The following SPPL2A variants were observed in gnomAD, a reference collection of about 807,000 sequenced individuals.
The protein encoded by SPPL2A is signal peptide peptidase like 2A.
A neutral mutation model predicts 63.8 loss-of-function variants in SPPL2A; 51 were observed. The ratio of observed to expected loss-of-function variants is 0.80; its 90% CI spans 0.64 to 1.01. SPPL2A has a LOEUF of 1.01. Among genes scored for constraint, SPPL2A ranks in the 50% least tolerant of loss-of-function variants. The pLI is 0.00. For synonymous variants in SPPL2A, 188 were observed against 205.8 expected, an observed-to-expected ratio of 0.91 and a Z score of 0.74; for missense variants, 553 against 622.7, an observed-to-expected ratio of 0.89 and a Z score of 1.19.
In SPPL2A at chr15:50,707,880, C is replaced by A. The variant is rs759473205; in HGVS notation, c.1489-6G>T. ...CAATCCAAATGGTCCATCATCTAGG[C>A]ATAAATAAAAGACGTTAGGAAATGC... On this transcript the variant is annotated splice_polypyrimidine_tract_variant and splice_region_variant and intron_variant, in intron 14 of 14. Coordinates refer to ENST00000261854, the MANE Select transcript of SPPL2A (RefSeq NM_032802.4). The A allele has an allele frequency of 1.5e-5, 24 of 1,551,650 alleles. No individual in the cohort carries two copies. The South Asian group carries it at 2.3e-4, about 15-fold the overall frequency.
At chr15:50,765,114 A>C (rs2063046577) in intron 1 of SPPL2A, among the ~76,000 whole-genome samples, 1 of 152,148 alleles carries the variant, frequency 6.6e-6, no homozygotes, top group Non-Finnish European at 1.5e-5. Flanking sequence ...AGACAATAAA[A>C]CCCAGAGGTC....
intron 14 of SPPL2A, among the ~76,000 whole-genome samples, chr15:50,716,466 A>G (rs1388527577): frequency 1.3e-5 from 2 of 152,204 alleles, no homozygotes; most frequent in East Asian, 3.8e-4. Context: ...AACTGCTGGG[A>G]TTACAGGCGT....
intron 1 of SPPL2A, among the ~76,000 whole-genome samples, chr15:50,761,774 A>C (rs1204454829): frequency 6.6e-6 from 1 of 151,748 alleles, no homozygotes; most frequent in Non-Finnish European, 1.5e-5. Context: ...CGTTTCTTCT[A>C]AAATACAAAA....
At chr15:50,736,005 A>T (rs1375179395) in intron 8 of SPPL2A, 96 bp downstream of exon 8, 5 of 762,838 alleles carry the variant, frequency 6.6e-6, no homozygotes, top group Non-Finnish European at 1.1e-5. Flanking sequence ...TCTGGCATAG[A>T]AGCAAAAAAA....
At chr15:50,716,534 T>C (rs925964447) in intron 14 of SPPL2A, among the ~76,000 whole-genome samples, 1 of 152,156 alleles carries the variant, frequency 6.6e-6, no homozygotes, top group Non-Finnish European at 1.5e-5. Flanking sequence ...CTTTAAAAGC[T>C]GTATGAAAGG....
At chr15:50,747,423 G>T in intron 5 of SPPL2A, 72 bp downstream of exon 5, 1 of 1,307,082 alleles carries the variant, frequency 7.7e-7, no homozygotes, top group Non-Finnish European at 1.1e-6. Flanking sequence ...TTTAAATGTT[G>T]TTATATAATT....
chr15:50,717,798 A>C (rs1383882609), intron 14 of SPPL2A, among the ~76,000 whole-genome samples: 2 of 152,026 alleles, frequency 1.3e-5, no homozygotes, highest in Admixed American at 1.3e-4. Flanking sequence ...TCTGGACATA[A>C]ATTTAATATT....
At chr15:50,755,397 G>A (rs2062948650) in intron 1 of SPPL2A, among the ~76,000 whole-genome samples, 1 of 151,898 alleles carries the variant, frequency 6.6e-6, no homozygotes, top group African/African-American at 2.4e-5. Flanking sequence ...AGTGCTGGAG[G>A]GCCACTTGAG....
chr15:50,725,432 T>C (rs1410116358), intron 11 of SPPL2A, 109 bp from the exon 12 acceptor site: 2 of 676,628 alleles, frequency 3.0e-6, no homozygotes, highest in Middle Eastern at 4.3e-4. Context: ...ACTAATTTAT[T>C]TTTTGGAGAC....
chr15:50,743,709 A>G lies in SPPL2A; in HGVS notation c.584+3786T>C, dbSNP rs529453013. On this transcript the variant is annotated intron_variant, in intron 5 of 14. Coordinates refer to ENST00000261854, the MANE Select transcript of SPPL2A (RefSeq NM_032802.4). Reference sequence around the variant, plus strand: ...TGCACTTTACAGTTTGAGAAGCACTATTCTAGAGAAGAAAAAATTTACATG... The same window carrying G: ...TGCACTTTACAGTTTGAGAAGCACTGTTCTAGAGAAGAAAAAATTTACATG... Among the ~76,000 whole-genome samples, 61 of 152,316 alleles carry G rather than the reference A, an allele frequency of 4.0e-4. 1 individual carries two copies. Among genetic ancestry groups the G allele is most frequent in the African/African-American group, 1.4e-3 (58 of 41,578 alleles).
chr15:50,735,905 T>C lies in SPPL2A; in HGVS notation c.932+196A>G, dbSNP rs577229562. Among the ~76,000 whole-genome samples the C allele has an allele frequency of 2.2e-4, 34 of 152,284 alleles. No homozygotes were observed. The Middle Eastern group carries it at 0.01, about 46-fold the overall frequency. ...GTCTATTTCAGTGTATGTGTTAAAATCATAATTCATATTTCCTTCTCTATA... is the reference window on the plus strand; with the variant it reads ...GTCTATTTCAGTGTATGTGTTAAAACCATAATTCATATTTCCTTCTCTATA... On this transcript the variant is annotated intron_variant, in intron 8 of 14. Coordinates refer to ENST00000261854, the MANE Select transcript of SPPL2A (RefSeq NM_032802.4).
Position 50,729,139 on chromosome 15 carries a change from G to C in SPPL2A, c.1089+1826C>G, listed in dbSNP as rs562463419. On this transcript the variant is annotated intron_variant, in intron 10 of 14. Transcript: ENST00000261854. ...TCTTAATTATTGTATTTTTAGTAGA[G>C]ATACAGTTTTACCATGTTGGCCAGG... Among the ~76,000 whole-genome samples the C allele has an allele frequency of 3.9e-5, 6 of 152,080 alleles. No homozygotes were observed. In the East Asian group the frequency reaches 9.7e-4, roughly 24 times the overall value.
At position 50,725,287 on chromosome 15, in the gene SPPL2A, A is replaced by G. The variant is rs756048724; in HGVS notation, c.1183T>C (p.Phe395Leu). The change falls in exon 12 of 15, where the codon TTC becomes CTC. Residue 395 changes from phenylalanine (F) to leucine (L), a missense_variant. Phe to Leu is a conservative substitution (Grantham distance 22). Transcript: ENST00000261854. ...ATGAGGCACACACTCATTACTGAGA[A>G]ATAGATCAGTTTTGGTACTCTGATG... ...VVIRVPKLIY[F>L]SVMSVCLMPV... 8.1e-6 allele frequency: 13 copies of G among 1,608,148 alleles called. No individual in the cohort carries two copies. The highest frequency in any genetic ancestry group is 1.1e-5 in the Non-Finnish European group (13 of 1,175,876).
At chr15:50,749,320 C>A (rs28419662) in intron 2 of SPPL2A, among the ~76,000 whole-genome samples, 2 of 151,988 alleles carry the variant, frequency 1.3e-5, no homozygotes, top group African/African-American at 4.8e-5. Context: ...CGAAGTCTCA[C>A]CCTGTTGCCC....
intron 12 of SPPL2A, 35 bp downstream of exon 12, chr15:50,725,186 T>A: frequency 8.3e-7 from 1 of 1,199,792 alleles, no homozygotes; most frequent in Non-Finnish European, 1.2e-6. Flanking sequence ...TCATCAGTGT[T>A]TTTTTTTTTA....
intron 1 of SPPL2A, among the ~76,000 whole-genome samples, chr15:50,758,467 G>A (rs1046160896): frequency 1.3e-5 from 2 of 150,312 alleles, no homozygotes; most frequent in African/African-American, 4.9e-5. Flanking sequence ...CGAGTTGCTG[G>A]GACAAGAGCA....
In SPPL2A at chr15:50,765,504, G is replaced by T; in HGVS notation, c.30C>A (p.Ala10=). The T allele has an allele frequency of 6.7e-7, 1 of 1,502,096 alleles. No individual in the cohort carries two copies. Among genetic ancestry groups the T allele is most frequent in the Non-Finnish European group, 8.8e-7 (1 of 1,133,186 alleles). 93.0% of individuals were successfully genotyped at this position (1,502,096 alleles called of 1,614,324 possible). A position where few individuals can be genotyped will look rare whatever the true frequency, so the allele number is the denominator to read the frequency against. The change falls in exon 1 of 15, where the codon GCC becomes GCA. Residue 10 remains alanine (A), a synonymous_variant. Coordinates refer to ENST00000261854, the MANE Select transcript of SPPL2A (RefSeq NM_032802.4). ...GGAAGCCCCAGAGTAGGGCGGCCCCGGCAGGGGACAGCCGCCGCTGCGGCC... is the reference window on the plus strand; with the variant it reads ...GGAAGCCCCAGAGTAGGGCGGCCCCTGCAGGGGACAGCCGCCGCTGCGGCC... MGPQRRLSP[A]GAALLWGFLL...
Position 50,731,044 on chromosome 15 carries a change from C to A in SPPL2A, c.1015-5G>T. The stretch of plus-strand genomic sequence containing the variant: ...GCCTAGAAGTATCACACATGACTGT[C>A]AAAGAAAGAAACAAAATTAAAGGTC... On this transcript the variant is annotated splice_polypyrimidine_tract_variant and splice_region_variant and intron_variant, in intron 9 of 14. Transcript: ENST00000261854. 2.8e-6 allele frequency: 4 copies of A among 1,409,180 alleles called. No individual in the cohort carries two copies. Among genetic ancestry groups the A allele is most frequent in the South Asian group, 2.4e-5 (2 of 82,600 alleles). The allele number at this position is 1,409,180 out of a possible 1,614,324, so 87.3% of individuals were successfully genotyped here.
chr15:50,743,483 C>G (rs544929750), intron 5 of SPPL2A, among the ~76,000 whole-genome samples: 1 of 152,022 alleles, frequency 6.6e-6, no homozygotes. Flanking sequence ...GTAGCTAGGA[C>G]TATAGGTTCA....
Sources: gnomAD v4.1 joint callset for allele counts (sites outside exome capture counted in the v4.1 genomes callset) on GRCh38, gnomAD v4.1.1 for gene constraint, MANE v1.5 for transcripts, NCBI Gene and HGNC (gene_info 2026-07-23, HGNC 2026-07-21) for gene names.